RNLS: variants seen among roughly 807,000 people sequenced by gnomAD.
RNLS encodes the protein renalase.
A neutral mutation model predicts 39.8 loss-of-function variants in RNLS; 39 were observed. The observed-to-expected ratio is 0.98, with a 90% CI of 0.76 to 1.28. The LOEUF is 1.28. Ranked by LOEUF, RNLS falls within the 50% of genes most tolerant of loss-of-function variation. RNLS has a pLI of 0.00. For synonymous variants in RNLS, 147 were observed against 150.7 expected (o/e 0.98, Z 0.18); for missense variants, 410 against 413.3 (o/e 0.99, Z 0.07).
chr10:88,217,593 G>T, the RNLS span, among the ~76,000 whole-genome samples: 2 of 151,976 alleles, frequency 1.3e-5, no homozygotes, highest in African/African-American at 2.4e-5. Flanking sequence ...AAAACAGAGG[G>T]TCTCAGCTAG....
In RNLS at chr10:88,341,623, T is replaced by A. The variant is rs914278968; in HGVS notation, c.700+20929A>T. Among the ~76,000 whole-genome samples the A allele has an allele frequency of 1.3e-5, 2 of 152,030 alleles. 1 individual carries two copies. ...AAAAGTAACCAAAACATAGAGTACATAGAAAAATCATGGCTCATAACATGA... is the reference window on the plus strand; with the variant it reads ...AAAAGTAACCAAAACATAGAGTACAAAGAAAAATCATGGCTCATAACATGA... On this transcript the variant is annotated intron_variant, in intron 5 of 6. Coordinates refer to ENST00000331772, the MANE Select transcript of RNLS (RefSeq NM_001031709.3).
chr10:88,355,340 C>T (rs1215543218), intron 5 of RNLS, among the ~76,000 whole-genome samples: 4 of 152,120 alleles, frequency 2.6e-5, no homozygotes, highest in African/African-American at 7.2e-5. Flanking sequence ...CCCATCTTTG[C>T]AGTTTTATCT....
At chr10:88,383,672 T>C (rs1009379556) in intron 4 of RNLS, among the ~76,000 whole-genome samples, 6 of 152,216 alleles carry the variant, frequency 3.9e-5, no homozygotes, top group Non-Finnish European at 7.4e-5. Context: ...TACCCTTCAA[T>C]TGGAAGTAAT....
chr10:88,189,161 T>C, the RNLS span, among the ~76,000 whole-genome samples: 1 of 152,202 alleles, frequency 6.6e-6, no homozygotes, highest in Non-Finnish European at 1.5e-5. Flanking sequence ...TATGTACCTA[T>C]CCATCTAAAT....
At chr10:88,226,125 C>T in the RNLS span, among the ~76,000 whole-genome samples, 1 of 152,140 alleles carries the variant, frequency 6.6e-6, no homozygotes, top group African/African-American at 2.4e-5. Flanking sequence ...TGAGGCATTG[C>T]TTAAAGGCAA....
rs765661557 is a variant in RNLS, at chr10:88,582,189, G to A, written c.224+13C>T. 8 of 1,598,842 alleles carry A rather than the reference G, an allele frequency of 5.0e-6. No homozygotes were observed. The African/African-American group carries it at 1.1e-4, about 21-fold the overall frequency. Reference sequence around the variant, plus strand: ...ACTGCTAAGATTGATTCCACTCCTTGCAACTAACTCACCGTTGGTGTTTTT... The same window carrying A: ...ACTGCTAAGATTGATTCCACTCCTTACAACTAACTCACCGTTGGTGTTTTT... On this transcript the variant is annotated intron_variant, in intron 2 of 6. Transcript: ENST00000331772.
At chr10:88,494,594 A>G (rs1300366918) in intron 4 of RNLS, among the ~76,000 whole-genome samples, 1 of 152,178 alleles carries the variant, frequency 6.6e-6, no homozygotes, top group Non-Finnish European at 1.5e-5. Context: ...GTTTTTCTGA[A>G]TATGAATGGT....
downstream of RNLS, among the ~76,000 whole-genome samples, chr10:88,281,399 G>T (rs1158431417): frequency 6.6e-6 from 1 of 152,108 alleles, no homozygotes. Flanking sequence ...CTAGCTTCAC[G>T]AATTAGAGCA....
At chr10:88,180,282 C>T in the RNLS span, among the ~76,000 whole-genome samples, 1 of 152,186 alleles carries the variant, frequency 6.6e-6, no homozygotes, top group South Asian at 2.1e-4. Flanking sequence ...TGCACCATGT[C>T]AGAAAATTTC....
chr10:88,326,800 G>A lies in RNLS; in HGVS notation c.701-12159C>T, dbSNP rs117357404. On this transcript the variant is annotated intron_variant, in intron 5 of 6. Transcript: ENST00000331772. ...AGCTGCAGACACTCAATGCCAGCCTGTGAAAGCAGCTGGGAGGAGGGCTGT... is the reference window on the plus strand; with the variant it reads ...AGCTGCAGACACTCAATGCCAGCCTATGAAAGCAGCTGGGAGGAGGGCTGT... 4.1e-3 allele frequency among the ~76,000 whole-genome samples: 631 copies of A among 152,300 alleles called. 5 individuals are homozygous for A. Among genetic ancestry groups the A allele is most frequent in the South Asian group, 0.029 (138 of 4,828 alleles).
intron 4 of RNLS, among the ~76,000 whole-genome samples, chr10:88,473,508 G>A (rs1216575147): frequency 6.6e-6 from 1 of 152,112 alleles, no homozygotes; most frequent in African/African-American, 2.4e-5. Context: ...CTTGAGTCAT[G>A]TTCAAGTGTA....
intron 4 of RNLS, among the ~76,000 whole-genome samples, chr10:88,407,055 T>C (rs1343335999): frequency 6.6e-6 from 1 of 151,964 alleles, no homozygotes; most frequent in Non-Finnish European, 1.5e-5. Context: ...GGGGGAAGAA[T>C]GGGAGGAGGG....
At chr10:88,427,241 G>A (rs1005485893) in intron 4 of RNLS, among the ~76,000 whole-genome samples, 1 of 151,996 alleles carries the variant, frequency 6.6e-6, no homozygotes, top group East Asian at 1.9e-4. Context: ...CAGCCTTGTG[G>A]ATTCTACTGA....
intron 4 of RNLS, among the ~76,000 whole-genome samples, chr10:88,441,383 A>C (rs568008544): frequency 4.6e-5 from 7 of 152,348 alleles, no homozygotes; most frequent in Admixed American, 4.6e-4. Flanking sequence ...ATGATGATTA[A>C]AGAATGAGAG....
the RNLS span, among the ~76,000 whole-genome samples, chr10:88,229,561 A>G: frequency 6.6e-6 from 1 of 152,234 alleles, no homozygotes; most frequent in Non-Finnish European, 1.5e-5. Flanking sequence ...TCTATAATTC[A>G]ATGGCCTTTT....
intron 6 of RNLS, among the ~76,000 whole-genome samples, chr10:88,292,922 G>C (rs569566113): frequency 6.6e-6 from 1 of 151,916 alleles, no homozygotes. Context: ...GTGGTGGCAC[G>C]TGCCTGTAAT....
chr10:88,360,382 G>A (rs975752054), intron 5 of RNLS, among the ~76,000 whole-genome samples: 8 of 152,128 alleles, frequency 5.3e-5, no homozygotes, highest in Non-Finnish European at 1.0e-4. Context: ...TGGCACATGA[G>A]GAGAAGTCTA....
At chr10:88,579,880 T>C (rs1031983978) in intron 3 of RNLS, among the ~76,000 whole-genome samples, 21 of 152,204 alleles carry the variant, frequency 1.4e-4, no homozygotes. Flanking sequence ...GATCAAGTAA[T>C]GCAGATTGCC....
chr10:88,216,224 G>T, the RNLS span, among the ~76,000 whole-genome samples: 1 of 152,148 alleles, frequency 6.6e-6, no homozygotes, highest in African/African-American at 2.4e-5. Flanking sequence ...AAGTCTCAAG[G>T]CATCAGGCTA....
Sources: allele counts gnomAD v4.1 joint callset (sites outside exome capture counted in the v4.1 genomes callset), GRCh38; gene constraint gnomAD v4.1.1; transcripts MANE v1.5; gene names NCBI Gene and HGNC (gene_info 2026-07-23, HGNC 2026-07-21).